The following TMEM169 variants were observed in gnomAD, a reference collection of about 807,000 sequenced individuals.
TMEM169 encodes the protein transmembrane protein 169.
A neutral mutation model predicts 27.3 loss-of-function variants in TMEM169; 18 were observed. The ratio of observed to expected loss-of-function variants is 0.66; its 90% CI spans 0.46 to 0.98. TMEM169 has a LOEUF of 0.98. Among genes scored for constraint, TMEM169 ranks in the 50% least tolerant of loss-of-function variants. TMEM169 has a pLI of 0.00. For missense variants in TMEM169, 320 were observed against 368.6 expected (o/e 0.87, Z 1.08); for synonymous variants, 136 against 142.1 (o/e 0.96, Z 0.30).
intron 1 of TMEM169, among the ~76,000 whole-genome samples, chr2:216,083,914 G>C (rs1695935395): frequency 6.6e-6 from 1 of 152,212 alleles, no homozygotes; most frequent in South Asian, 2.1e-4. Context: ...CAATAGATCT[G>C]CTGCTTGGAA....
At chr2:216,093,488 C>T (rs920554737) in intron 1 of TMEM169, among the ~76,000 whole-genome samples, 6 of 152,144 alleles carry the variant, frequency 3.9e-5, no homozygotes, top group African/African-American at 1.4e-4. Context: ...GCCCCTAGTA[C>T]ACCCCCTAGA....
Position 216,099,769 on chromosome 2 carries a change from C to G in TMEM169, c.272-151C>G. On this transcript the variant is annotated intron_variant, in intron 2 of 2. Coordinates refer to ENST00000437356, the MANE Select transcript of TMEM169 (RefSeq NM_001142311.2). The surrounding 1 kb of genome is among the most constrained non-coding windows in gnomAD (Gnocchi z 5.0). ...TGGTCACTCTCCCGAGGGAGACCCA[C>G]TCAGTCCGCCATTGAATCACTGACT... 1 of 1,060,814 alleles carries G rather than the reference C, an allele frequency of 9.4e-7. No individual in the cohort carries two copies. 65.7% of individuals were successfully genotyped at this position (1,060,814 alleles called of 1,614,324 possible). A position where few individuals can be genotyped will look rare whatever the true frequency, so the allele number is the denominator to read the frequency against.
At position 216,099,460 on chromosome 2, in the gene TMEM169, A is replaced by C. The variant is rs989343015; in HGVS notation, c.272-460A>C. On this transcript the variant is annotated intron_variant, in intron 2 of 2. Transcript: ENST00000437356. This position sits in a 1 kb window ranked among gnomAD's most constrained non-coding sequence, Gnocchi z 5.0. ...CCTGGATGTGAGGGCTGGATCAGGC[A>C]TGTGAGGGGCCCCCTCTCAGAAAGC... Among the ~76,000 whole-genome samples the C allele has an allele frequency of 2.6e-5, 4 of 151,908 alleles. No homozygotes were observed. The highest frequency in any genetic ancestry group is 4.4e-5 in the Non-Finnish European group (3 of 67,944).
intron 1 of TMEM169, among the ~76,000 whole-genome samples, chr2:216,094,078 A>C (rs900351695): frequency 5.3e-5 from 8 of 152,194 alleles, no homozygotes; most frequent in Non-Finnish European, 7.3e-5. Flanking sequence ...GTGGCAGTAA[A>C]ATAAGGCTCA....
At chr2:216,088,224 C>A (rs529023469) in intron 1 of TMEM169, among the ~76,000 whole-genome samples, 14 of 151,542 alleles carry the variant, frequency 9.2e-5, no homozygotes, top group African/African-American at 2.9e-4. Flanking sequence ...CTTTGGGAGA[C>A]CGAGGCGGGC....
At chr2:216,085,318 G>A (rs1431167776) in intron 1 of TMEM169, among the ~76,000 whole-genome samples, 1 of 152,136 alleles carries the variant, frequency 6.6e-6, no homozygotes, top group Admixed American at 6.5e-5. Context: ...GGAGAATCAG[G>A]TGGGGGAGGT....
intron 1 of TMEM169, among the ~76,000 whole-genome samples, chr2:216,095,519 T>C (rs1246897714): frequency 6.6e-6 from 1 of 152,190 alleles, no homozygotes. Context: ...TAACTACTTA[T>C]GTATATAAAA....
In TMEM169 at chr2:216,102,499, A is replaced by T. The variant is rs1020278081; in HGVS notation, c.*1957A>T. The T allele has an allele frequency of 2.0e-5, 3 of 152,600 alleles. No individual in the cohort carries two copies. The highest frequency in any genetic ancestry group is 7.2e-5 in the African/African-American group (3 of 41,434). 9.5% of individuals were successfully genotyped at this position (152,600 alleles called of 1,614,324 possible). A position where few individuals can be genotyped will look rare whatever the true frequency, so the allele number is the denominator to read the frequency against. On this transcript the variant is annotated 3_prime_UTR_variant, in exon 3 of 3. Transcript: ENST00000437356. ...TGCTCTTTTCTTGTTCATGTCTCAA[A>T]ACAAAGCTGTTGAGAGAACTGCTGC...
intron 1 of TMEM169, among the ~76,000 whole-genome samples, chr2:216,090,852 A>G (rs928774014): frequency 1.3e-5 from 2 of 152,344 alleles, no homozygotes; most frequent in East Asian, 3.9e-4. Context: ...TATATTCCAG[A>G]CTTGCAGGAA....
In TMEM169 at chr2:216,100,239, A is replaced by G; in HGVS notation, c.591A>G (p.Glu197=). 1 of 1,613,124 alleles carries G rather than the reference A, an allele frequency of 6.2e-7. No individual in the cohort carries two copies. Among genetic ancestry groups the G allele is most frequent in the Non-Finnish European group, 8.5e-7 (1 of 1,179,852 alleles). Residue 197 remains glutamate, a synonymous_variant, in exon 3 of 3, where the codon GAA becomes GAG. Transcript: ENST00000437356. ...WYNIFLVYNE[E]RTFWHKISYC... is the part of the protein sequence containing the mutation. ...ACATCTTCCTCGTGTATAATGAGGA[A>G]AGGACCTTCTGGCACAAGATCTCGT...
Position 216,100,265 on chromosome 2 carries a change from A to G in TMEM169, c.617A>G (p.Tyr206Cys), listed in dbSNP as rs372716763. 1.9e-6 allele frequency: 3 copies of G among 1,613,332 alleles called. No homozygotes were observed. The African/African-American group carries it at 4.0e-5, about 22-fold the overall frequency. ...AGGACCTTCTGGCACAAGATCTCGT[A>G]TTGCCCTTGCCTCGTTCTCTTCTAT... ...EERTFWHKIS[Y>C]CPCLVLFYPV... Residue 206 changes from tyrosine to cysteine, a missense_variant, in exon 3 of 3, where the codon TAT becomes TGT. By Grantham distance (194) the Tyr-to-Cys change is radical. Transcript: ENST00000437356.
intron 1 of TMEM169, among the ~76,000 whole-genome samples, chr2:216,090,250 G>A (rs1270534402): frequency 6.6e-6 from 1 of 152,212 alleles, no homozygotes; most frequent in Non-Finnish European, 1.5e-5. Context: ...GTAGAAGGAA[G>A]TTGGAGCTAT....
chr2:216,089,575 G>C (rs539621369), intron 1 of TMEM169, among the ~76,000 whole-genome samples: 2 of 152,296 alleles, frequency 1.3e-5, no homozygotes, highest in Admixed American at 6.5e-5. Flanking sequence ...TCCTGCCTCA[G>C]CCTCCTGAGT....
At chr2:216,083,982 A>G (rs945139217) in intron 1 of TMEM169, among the ~76,000 whole-genome samples, 10 of 152,276 alleles carry the variant, frequency 6.6e-5, no homozygotes, top group Non-Finnish European at 1.0e-4. Flanking sequence ...TCCGAAGGCA[A>G]CCACGCCATG....
rs1696332812 is a variant in TMEM169, at chr2:216,099,276, G to C, written c.272-644G>C. ...TGTATGTGGTATGTGTGATGTGCAT[G>C]GTGTGTGGTGTGTGGTGTGTGTATG... On this transcript the variant is annotated intron_variant, in intron 2 of 2. Coordinates refer to ENST00000437356, the MANE Select transcript of TMEM169 (RefSeq NM_001142311.2). This position sits in a 1 kb window ranked among gnomAD's most constrained non-coding sequence, Gnocchi z 5.0. Among the ~76,000 whole-genome samples, 1 of 148,026 alleles carries C rather than the reference G, an allele frequency of 6.8e-6. No individual in the cohort carries two copies. The highest frequency in any genetic ancestry group is 2.0e-4 in the East Asian group (1 of 5,072).
intron 1 of TMEM169, among the ~76,000 whole-genome samples, chr2:216,093,620 G>A (rs12613462): frequency 0.31 from 47,017 of 151,782 alleles, 7,949 homozygotes; most frequent in East Asian, 0.66. Context: ...TAAGTGCCCA[G>A]TTATAAAGTT....
intron 1 of TMEM169, among the ~76,000 whole-genome samples, chr2:216,087,741 C>G (rs1370656982): frequency 6.6e-6 from 1 of 152,178 alleles, no homozygotes; most frequent in Non-Finnish European, 1.5e-5. Flanking sequence ...GAATATTGAA[C>G]AATACGATTA....
chr2:216,084,104 A>G (rs544657923), intron 1 of TMEM169, among the ~76,000 whole-genome samples: 1 of 151,680 alleles, frequency 6.6e-6, no homozygotes, highest in Non-Finnish European at 1.5e-5. Context: ...GTCCTCCCAC[A>G]CCCCCGAACC....
In TMEM169 at chr2:216,100,004, A is replaced by G; in HGVS notation, c.356A>G (p.Asp119Gly). The G allele has an allele frequency of 6.2e-7, 1 of 1,614,230 alleles. No homozygotes were observed. The highest frequency in any genetic ancestry group is 8.5e-7 in the Non-Finnish European group (1 of 1,180,044). The stretch of plus-strand genomic sequence containing the variant: ...GGGAAGAAAAAGGGTCAGATGGTGG[A>G]CATCCATGTCACATTGACAGAGAAA... ...TRGKKKGQMV[D>G]IHVTLTEKEL... Residue 119 changes from aspartate (D) to glycine (G), a missense_variant, in exon 3 of 3, where the codon GAC becomes GGC. Coordinates refer to ENST00000437356, the MANE Select transcript of TMEM169 (RefSeq NM_001142311.2).
Sources: allele counts gnomAD v4.1 joint callset (sites outside exome capture counted in the v4.1 genomes callset), GRCh38; gene constraint gnomAD v4.1.1; non-coding constraint Gnocchi (gnomAD v3.1); transcripts MANE v1.5; gene names NCBI Gene and HGNC (gene_info 2026-07-23, HGNC 2026-07-21).